Variants in CPA6 observed in about 807,000 individuals in gnomAD.
CPA6 encodes carboxypeptidase A6, also known as carboxypeptidase B.
In CPA6, 58 loss-of-function variants were observed where a neutral mutation model predicts 63.3. That is an observed-to-expected ratio of 0.92 (90% confidence interval 0.74 to 1.14). The LOEUF (loss-of-function observed/expected upper bound fraction) is 1.14, where lower values mean the gene tolerates loss of function less well. CPA6 is among the 50% of genes most tolerant of loss of function. The probability of loss-of-function intolerance (pLI) is 0.00; values close to 1 mark genes in which losing one functional copy is unlikely to be tolerated. For missense variants in CPA6, 565 were observed against 526.6 expected, an observed-to-expected ratio of 1.07 and a Z score of -0.71; for synonymous variants, 185 against 179.0, an observed-to-expected ratio of 1.03 and a Z score of -0.27.
Position 67,746,189 on chromosome 8 carries a change from T to C in CPA6, c.-60A>G. ...GCAGCCACCCGAGGCTGGAGGTGGC[T>C]CACAGCACCCTCTACACACCGCACA... On this transcript the variant is annotated 5_prime_UTR_variant, in exon 1 of 11. Coordinates refer to ENST00000297770, the MANE Select transcript of CPA6 (RefSeq NM_020361.5). The C allele has an allele frequency of 7.7e-7, 1 of 1,305,474 alleles. No individual in the cohort carries two copies. Among genetic ancestry groups the C allele is most frequent in the Non-Finnish European group, 1.1e-6 (1 of 918,608 alleles). 80.9% of individuals were successfully genotyped at this position (1,305,474 alleles called of 1,614,324 possible). A position where few individuals can be genotyped will look rare whatever the true frequency, so the allele number is the denominator to read the frequency against.
At chr8:67,431,152 T>C (rs556447612) in intron 9 of CPA6, among the ~76,000 whole-genome samples, 17 of 150,940 alleles carry the variant, frequency 1.1e-4, no homozygotes, top group Non-Finnish European at 1.2e-4. Context: ...GCACTAATGA[T>C]CCATTTTATG....
intron 3 of CPA6, among the ~76,000 whole-genome samples, chr8:67,512,973 A>G (rs1343666943): frequency 2.6e-5 from 4 of 152,198 alleles, no homozygotes; most frequent in African/African-American, 9.7e-5. Flanking sequence ...TCATTTACTC[A>G]TTTGTTATTT....
chr8:67,699,932 G>A (rs1816989860), intron 1 of CPA6, among the ~76,000 whole-genome samples: 1 of 152,146 alleles, frequency 6.6e-6, no homozygotes, highest in Non-Finnish European at 1.5e-5. Flanking sequence ...TCAGAAATTA[G>A]AGAATCCTCT....
intron 1 of CPA6, among the ~76,000 whole-genome samples, chr8:67,643,888 G>T (rs1002391796): frequency 6.6e-6 from 1 of 152,124 alleles, no homozygotes; most frequent in African/African-American, 2.4e-5. Flanking sequence ...TTCTGAGGTA[G>T]CGATGTCTAT....
intron 1 of CPA6, among the ~76,000 whole-genome samples, chr8:67,734,776 T>A (rs1336785065): frequency 1.3e-5 from 2 of 152,234 alleles, no homozygotes; most frequent in Non-Finnish European, 1.5e-5. Context: ...ATGGAGAGAT[T>A]ATAATAAGAC....
chr8:67,523,215 A>G (rs1287424697), intron 2 of CPA6, among the ~76,000 whole-genome samples: 1 of 152,212 alleles, frequency 6.6e-6, no homozygotes, highest in East Asian at 1.9e-4. Flanking sequence ...AAATGAATAC[A>G]TACACACAAA....
intron 8 of CPA6, among the ~76,000 whole-genome samples, chr8:67,453,127 CA>C: frequency 6.6e-6 from 1 of 151,642 alleles, no homozygotes. Flanking sequence ...GTGTGGGTGG[CA>C]GGGGGGCAAG....
chr8:67,592,585 G>A (rs1814162498), intron 2 of CPA6, among the ~76,000 whole-genome samples: 1 of 151,746 alleles, frequency 6.6e-6, no homozygotes, highest in Admixed American at 6.6e-5. Flanking sequence ...GGTCTATTCA[G>A]AGATTCAACT....
intron 1 of CPA6, among the ~76,000 whole-genome samples, chr8:67,695,088 G>C (rs1254329679): frequency 6.6e-6 from 1 of 152,142 alleles, no homozygotes; most frequent in Non-Finnish European, 1.5e-5. Flanking sequence ...CTCATCAGGG[G>C]AGGATTTTAA....
chr8:67,489,134 C>T (rs1410826255), intron 6 of CPA6, among the ~76,000 whole-genome samples: 2 of 151,380 alleles, frequency 1.3e-5, no homozygotes, highest in South Asian at 2.1e-4. Flanking sequence ...TTTGTAGAGA[C>T]AGGGTCTCCC....
intron 8 of CPA6, among the ~76,000 whole-genome samples, chr8:67,466,920 C>T (rs1035510406): frequency 9.2e-5 from 14 of 152,114 alleles, no homozygotes; most frequent in African/African-American, 2.2e-4. Context: ...TTCATCATTA[C>T]GTATTTTACA....
In CPA6 at chr8:67,434,223, G is replaced by A; in HGVS notation, c.856C>T (p.His286Tyr). 2 of 1,613,960 alleles carry A rather than the reference G, an allele frequency of 1.2e-6. No homozygotes were observed. Among genetic ancestry groups the A allele is most frequent in the Admixed American group, 1.7e-5 (1 of 60,022 alleles). The change falls in exon 9 of 11, where the codon CAC (histidine) becomes TAC (tyrosine). Residue 286 changes from histidine (H) to tyrosine (Y), a missense_variant. Physicochemically the swap from His to Tyr is moderately conservative, Grantham distance 83 (BLOSUM62 2). Transcript: ENST00000297770. ...CCACAGTATGTGTCATCACAAGGGT[G>A]CATAGAAGCTCCTTCATCTGCAAGT... ...VKWCDEGASMHPCDDTYCGPF... is the reference protein window; with the variant it reads ...VKWCDEGASMYPCDDTYCGPF...
At chr8:67,452,189 G>C (rs536326329) in intron 8 of CPA6, 6 of 152,406 alleles carry the variant, frequency 3.9e-5, no homozygotes, top group African/African-American at 1.4e-4. Context: ...TGCAGAGGGA[G>C]TAGAAGTGTG....
At chr8:67,542,953 T>G (rs2128971205) in intron 2 of CPA6, among the ~76,000 whole-genome samples, 1 of 152,346 alleles carries the variant, frequency 6.6e-6, no homozygotes, top group Non-Finnish European at 1.5e-5. Context: ...TTTACTAGAA[T>G]AAGAACCTAT....
At chr8:67,568,414 T>C (rs1174122765) in intron 2 of CPA6, among the ~76,000 whole-genome samples, 1 of 152,008 alleles carries the variant, frequency 6.6e-6, no homozygotes, top group Non-Finnish European at 1.5e-5. Flanking sequence ...AAAAATTAAA[T>C]GAAATTCAGA....
intron 1 of CPA6, among the ~76,000 whole-genome samples, chr8:67,665,246 T>C (rs2128993471): frequency 6.6e-6 from 1 of 152,368 alleles, no homozygotes; most frequent in South Asian, 2.1e-4. Flanking sequence ...TTTTGTTCCA[T>C]TACGTTTGTC....
chr8:67,447,887 C>A (rs1182435703), intron 8 of CPA6, among the ~76,000 whole-genome samples: 1 of 152,162 alleles, frequency 6.6e-6, no homozygotes, highest in Non-Finnish European at 1.5e-5. Flanking sequence ...CAGGTTCAAG[C>A]AATTCTCCTG....
At chr8:67,443,651 T>G (rs1342772594) in intron 8 of CPA6, among the ~76,000 whole-genome samples, 1 of 152,204 alleles carries the variant, frequency 6.6e-6, no homozygotes, top group East Asian at 1.9e-4. Flanking sequence ...AGCAGTCAAT[T>G]CACATTTCTC....
intron 6 of CPA6, among the ~76,000 whole-genome samples, chr8:67,499,932 A>T (rs1413833764): frequency 6.6e-6 from 1 of 152,166 alleles, no homozygotes; most frequent in African/African-American, 2.4e-5. Flanking sequence ...GTTTTGGGCT[A>T]CTAAAAATAA....
Sources: gnomAD v4.1 joint callset for allele counts (sites outside exome capture counted in the v4.1 genomes callset) on GRCh38, gnomAD v4.1.1 for gene constraint, MANE v1.5 for transcripts, NCBI Gene and HGNC (gene_info 2026-07-23, HGNC 2026-07-21) for gene names.